PBX1: variants seen among roughly 807,000 people sequenced by gnomAD.
PBX1 encodes the protein PBX homeobox 1.
PBX1 carries 6 observed loss-of-function variants against 53.4 expected under a neutral mutation model. That is an observed-to-expected ratio of 0.11 (90% CI 0.06 to 0.22). The LOEUF (loss-of-function observed/expected upper bound fraction) is 0.22. PBX1 is among the 10% of genes least tolerant of loss of function. The pLI is 1.00. For missense variants in PBX1, 251 were observed against 551.4 expected, an observed-to-expected ratio of 0.46 and a Z score of 5.46; for synonymous variants, 204 against 212.3, an observed-to-expected ratio of 0.96 and a Z score of 0.34.
At chr1:164,735,135 C>G (rs1665196940) in intron 2 of PBX1, among the ~76,000 whole-genome samples, 1 of 152,134 alleles carries the variant, frequency 6.6e-6, no homozygotes, top group African/African-American at 2.4e-5. Context: ...TGTATTCATA[C>G]TTTTATCACC....
intron 4 of PBX1, among the ~76,000 whole-genome samples, chr1:164,802,221 C>T (rs1669113575): frequency 6.6e-6 from 1 of 152,216 alleles, no homozygotes; most frequent in South Asian, 2.1e-4. Context: ...AATTAAGCAG[C>T]TTAAAACAAC....
chr1:164,630,008 A>C (rs1014864670), intron 2 of PBX1, among the ~76,000 whole-genome samples: 1 of 152,242 alleles, frequency 6.6e-6, no homozygotes, highest in Non-Finnish European at 1.5e-5. Context: ...GATATGAGAA[A>C]TGCTATCAAT....
chr1:164,742,971 A>G (rs1235136610), intron 2 of PBX1, among the ~76,000 whole-genome samples: 4 of 152,220 alleles, frequency 2.6e-5, no homozygotes, highest in African/African-American at 9.6e-5. Context: ...CTTTGCATAC[A>G]GCTTTGACTC....
chr1:164,870,763 A>C (rs750653877), intron 2 of PBX1, among the ~76,000 whole-genome samples: 3 of 152,186 alleles, frequency 2.0e-5, no homozygotes, highest in Non-Finnish European at 2.9e-5. Context: ...AAATCAAATA[A>C]ATCATTTGTT....
intron 2 of PBX1, among the ~76,000 whole-genome samples, chr1:164,647,326 A>G (rs1659514540): frequency 6.6e-6 from 1 of 152,142 alleles, no homozygotes; most frequent in African/African-American, 2.4e-5. Context: ...GGAAGAGCAG[A>G]GAGAAGAGCA....
In PBX1 at chr1:164,879,159, A is replaced by G. The variant is rs1017762513; in HGVS notation, n.258-20029A>G. ...GGTTTTCTTAAGTATAGTAATTGGT[A>G]TTCACTAAAGATTTGAAATTTAGTG... is the stretch of plus-strand genomic sequence containing the variant. On this transcript the variant is annotated intron_variant and non_coding_transcript_variant, in intron 2 of 2. Coordinates refer to the PBX1 transcript ENST00000558796. 3.9e-5 allele frequency among the ~76,000 whole-genome samples: 6 copies of G among 152,232 alleles called. No individual in the cohort carries two copies. In the East Asian group the frequency reaches 5.8e-4, roughly 15 times the overall value.
chr1:164,689,611 C>T (rs1343420473), intron 2 of PBX1, among the ~76,000 whole-genome samples: 1 of 152,194 alleles, frequency 6.6e-6, no homozygotes, highest in African/African-American at 2.4e-5. Context: ...TGAGAAGGAC[C>T]TGCGATTGCA....
At position 164,849,409 on chromosome 1, in the gene PBX1, T is replaced by C. The variant is rs976562971; in HGVS notation, c.*2733T>C. 190 of 1,535,396 alleles carry C rather than the reference T, an allele frequency of 1.2e-4. No individual in the cohort carries two copies. Among genetic ancestry groups the C allele is most frequent in the Non-Finnish European group, 1.6e-4 (178 of 1,146,730 alleles). On this transcript the variant is annotated 3_prime_UTR_variant, in exon 9 of 9. Transcript: ENST00000420696. The stretch of plus-strand genomic sequence containing the variant: ...TCCAACGTGGCATCCGTGAGATCTG[T>C]CCACATTAGGCGAAGCAGGAGAACA...
At chr1:164,876,520 C>T (rs1027680532) in intron 2 of PBX1, among the ~76,000 whole-genome samples, 5 of 151,002 alleles carry the variant, frequency 3.3e-5, no homozygotes, top group African/African-American at 1.2e-4. Flanking sequence ...TCTGAGAACT[C>T]AGGGCTAATC....
At chr1:164,752,459 G>A (rs972074798) in intron 2 of PBX1, among the ~76,000 whole-genome samples, 1 of 152,120 alleles carries the variant, frequency 6.6e-6, no homozygotes, top group Non-Finnish European at 1.5e-5. Flanking sequence ...AATGCAGAAT[G>A]TGGAAGGAGG....
intron 2 of PBX1, among the ~76,000 whole-genome samples, chr1:164,779,042 A>ATT (rs11350510): frequency 1.7e-4 from 23 of 132,056 alleles, no homozygotes; most frequent in African/African-American, 2.2e-4. Flanking sequence ...AAAGGAGATA[A>ATT]TTTTTTTTTT....
chr1:164,692,669 G>T (rs1484369265), intron 2 of PBX1, among the ~76,000 whole-genome samples: 3 of 152,016 alleles, frequency 2.0e-5, no homozygotes, highest in Non-Finnish European at 1.5e-5. Flanking sequence ...GGGTTAACAG[G>T]GCCAAACAAG....
chr1:164,777,037 C>T (rs1181343952), intron 2 of PBX1, among the ~76,000 whole-genome samples: 2 of 149,840 alleles, frequency 1.3e-5, no homozygotes, highest in African/African-American at 2.5e-5. Context: ...GTAATGGAAG[C>T]TTTTTTTCTT....
chr1:164,829,623 G>A (rs1670651892), intron 8 of PBX1: 1 of 152,148 alleles, frequency 6.6e-6, no homozygotes. Context: ...GGGGCCTGTT[G>A]AGGGGAAGAG....
At chr1:164,659,343 C>T (rs1557922796) in intron 2 of PBX1, among the ~76,000 whole-genome samples, 1 of 152,140 alleles carries the variant, frequency 6.6e-6, no homozygotes, top group Non-Finnish European at 1.5e-5. Flanking sequence ...AGATCTTTTC[C>T]TTTTTAGTTA....
chr1:164,884,126 C>T (rs1042471721), intron 2 of PBX1, among the ~76,000 whole-genome samples: 7 of 152,078 alleles, frequency 4.6e-5, no homozygotes, highest in Middle Eastern at 3.2e-3. Context: ...CTGTAAAACA[C>T]GGGTAATAAT....
At chr1:164,876,461 T>A (rs1200329826) in intron 2 of PBX1, among the ~76,000 whole-genome samples, 1 of 151,322 alleles carries the variant, frequency 6.6e-6, no homozygotes, top group Non-Finnish European at 1.5e-5. Context: ...AAGGCTCCCA[T>A]GCAGGGATAT....
chr1:164,643,349 C>G (rs961942132), intron 2 of PBX1, among the ~76,000 whole-genome samples: 5 of 152,040 alleles, frequency 3.3e-5, no homozygotes, highest in African/African-American at 1.2e-4. Flanking sequence ...GAGGCTCCAC[C>G]TAATAAAAAG....
chr1:164,630,529 A>C (rs1658344468), intron 2 of PBX1, among the ~76,000 whole-genome samples: 1 of 152,116 alleles, frequency 6.6e-6, no homozygotes, highest in Admixed American at 6.5e-5. Flanking sequence ...CTTTTACCCA[A>C]ATATTTGGTA....
Sources: allele counts gnomAD v4.1 joint callset (sites outside exome capture counted in the v4.1 genomes callset), GRCh38; gene constraint gnomAD v4.1.1; transcripts MANE v1.5; gene names NCBI Gene and HGNC (gene_info 2026-07-23, HGNC 2026-07-21).